Variants in CNTN5 observed in about 807,000 individuals in gnomAD.
The protein encoded by CNTN5 is contactin-5.
Under a neutral mutation model 129.1 loss-of-function variants are expected in CNTN5, and 77 were observed. That is an observed-to-expected ratio of 0.60 (90% CI 0.50 to 0.72). The LOEUF (loss-of-function observed/expected upper bound fraction) is 0.72. CNTN5 is among the 30% of genes least tolerant of loss of function. The pLI is 0.00. For synonymous variants in CNTN5, 509 were observed against 465.6 expected, an observed-to-expected ratio of 1.09 and a Z score of -1.20; for missense variants, 1,478 against 1,328.8, an observed-to-expected ratio of 1.11 and a Z score of -1.75.
chr11:100,318,244 A>AGG (rs1951609341), intron 21 of CNTN5, among the ~76,000 whole-genome samples: 2 of 133,642 alleles, frequency 1.5e-5, no homozygotes, highest in Admixed American at 1.5e-4. Context: ...CTGTCTCAGA[A>AGG]AAAAAAAAAA....
At chr11:99,852,466 G>C in intron 6 of CNTN5, among the ~76,000 whole-genome samples, 1 of 152,184 alleles carries the variant, frequency 6.6e-6, no homozygotes, top group Admixed American at 6.5e-5. Flanking sequence ...CATGAGCCAA[G>C]ATACCCAGCC....
At chr11:99,496,236 A>G (rs1946220264) in intron 2 of CNTN5, among the ~76,000 whole-genome samples, 1 of 152,152 alleles carries the variant, frequency 6.6e-6, no homozygotes, top group Non-Finnish European at 1.5e-5. Context: ...TTAACGTTTA[A>G]GTGATGTGTC....
intron 13 of CNTN5, among the ~76,000 whole-genome samples, chr11:100,131,149 C>G (rs1946365538): frequency 6.6e-6 from 1 of 151,972 alleles, no homozygotes; most frequent in Admixed American, 6.6e-5. Flanking sequence ...GAGGTTTTCC[C>G]TGGCTTTTGT....
In CNTN5 at chr11:99,195,711, T is replaced by C. The variant is rs1303532552; in HGVS notation, c.-209-129635T>C. On this transcript the variant is annotated intron_variant, in intron 1 of 24. Coordinates refer to ENST00000524871, the MANE Select transcript of CNTN5 (RefSeq NM_014361.4). ...AAAACATTTACAAATTCATAATTAA[T>C]TTACAAATGGACTAAAATATGGCGT... Among the ~76,000 whole-genome samples the C allele has an allele frequency of 2.0e-5, 3 of 152,076 alleles. No homozygotes were observed. The East Asian group carries it at 5.8e-4, about 29-fold the overall frequency.
chr11:99,232,779 C>G (rs1001466953), intron 1 of CNTN5, among the ~76,000 whole-genome samples: 1 of 152,130 alleles, frequency 6.6e-6, no homozygotes, highest in South Asian at 2.1e-4. Flanking sequence ...CTGAAATTAA[C>G]GTATACTTAT....
At chr11:99,065,576 G>A (rs1213455568) in intron 1 of CNTN5, among the ~76,000 whole-genome samples, 3 of 152,122 alleles carry the variant, frequency 2.0e-5, no homozygotes, top group Non-Finnish European at 4.4e-5. Context: ...TTTATGTTGT[G>A]TTCCATTAAT....
At chr11:99,287,914 G>A (rs951894621) in intron 1 of CNTN5, among the ~76,000 whole-genome samples, 1 of 151,886 alleles carries the variant, frequency 6.6e-6, no homozygotes, top group Non-Finnish European at 1.5e-5. Flanking sequence ...AGGAAAAAGA[G>A]GAATAGGAGT....
chr11:99,029,481 G>A (rs1212447863), intron 1 of CNTN5, among the ~76,000 whole-genome samples: 1 of 151,854 alleles, frequency 6.6e-6, no homozygotes, highest in Non-Finnish European at 1.5e-5. Context: ...GAAACTTAAG[G>A]AAAAAATACC....
At chr11:99,320,835 G>C (rs575160237) in intron 1 of CNTN5, among the ~76,000 whole-genome samples, 1 of 152,046 alleles carries the variant, frequency 6.6e-6, no homozygotes, top group Non-Finnish European at 1.5e-5. Context: ...ACATTATTTT[G>C]GGTGTGTCTG....
At chr11:99,444,547 A>T (rs73544262) in intron 2 of CNTN5, among the ~76,000 whole-genome samples, 11,526 of 152,224 alleles carry the variant, frequency 0.076, 519 homozygotes, top group South Asian at 0.12. Context: ...TCTATCCTTT[A>T]TTCTTGTATA....
At chr11:99,800,556 A>G (rs1259841956) in intron 3 of CNTN5, among the ~76,000 whole-genome samples, 1 of 152,098 alleles carries the variant, frequency 6.6e-6, no homozygotes, top group African/African-American at 2.4e-5. Context: ...TTCCTCCACT[A>G]TTATCATGTA....
intron 2 of CNTN5, among the ~76,000 whole-genome samples, chr11:99,486,842 A>G (rs1019682886): frequency 3.9e-5 from 6 of 152,156 alleles, no homozygotes; most frequent in African/African-American, 1.4e-4. Flanking sequence ...ACATAGATCT[A>G]TTTTCTTACT....
intron 1 of CNTN5, among the ~76,000 whole-genome samples, chr11:99,028,532 A>G (rs1407422800): frequency 2.6e-5 from 4 of 151,866 alleles, no homozygotes; most frequent in Non-Finnish European, 4.4e-5. Flanking sequence ...TCATGCTAAC[A>G]TTAGTTCTCT....
At chr11:99,995,379 T>G (rs935802220) in intron 8 of CNTN5, among the ~76,000 whole-genome samples, 2 of 152,004 alleles carry the variant, frequency 1.3e-5, no homozygotes, top group South Asian at 4.1e-4. Flanking sequence ...TTCTGTCTTA[T>G]GTGAGATTAA....
chr11:100,312,701 G>T (rs1951493367), intron 21 of CNTN5, among the ~76,000 whole-genome samples: 1 of 151,966 alleles, frequency 6.6e-6, no homozygotes, highest in African/African-American at 2.4e-5. Flanking sequence ...TATAATATCA[G>T]TCCTATGAGT....
chr11:99,056,251 C>T (rs1864620600), intron 1 of CNTN5, among the ~76,000 whole-genome samples: 1 of 151,848 alleles, frequency 6.6e-6, no homozygotes, highest in Non-Finnish European at 1.5e-5. Flanking sequence ...GAAATGATTT[C>T]CACACCTACG....
intron 6 of CNTN5, 84 bp from the exon 7 acceptor site, chr11:99,915,970 A>T: frequency 9.4e-7 from 1 of 1,064,904 alleles, no homozygotes; most frequent in Non-Finnish European, 1.4e-6. Context: ...GAAGATAACG[A>T]TAGAAAGTAA....
chr11:99,026,944 T>A (rs1400571499), intron 1 of CNTN5, among the ~76,000 whole-genome samples: 2 of 151,740 alleles, frequency 1.3e-5, no homozygotes, highest in East Asian at 3.9e-4. Context: ...CATTGTCTTT[T>A]AAGATTAGAA....
chr11:99,520,035 C>G (rs987454166), intron 2 of CNTN5, among the ~76,000 whole-genome samples: 1 of 151,994 alleles, frequency 6.6e-6, no homozygotes, highest in Non-Finnish European at 1.5e-5. Flanking sequence ...TTCACTGAAC[C>G]AGAATATTTA....
Sources: allele counts gnomAD v4.1 joint callset (sites outside exome capture counted in the v4.1 genomes callset), GRCh38; gene constraint gnomAD v4.1.1; transcripts MANE v1.5; gene names NCBI Gene and HGNC (gene_info 2026-07-23, HGNC 2026-07-21).